Variants in FILIP1L observed in about 807,000 individuals in gnomAD.
FILIP1L encodes filamin A interacting protein 1 like.
FILIP1L carries 55 observed loss-of-function variants against 96.6 expected under a neutral mutation model. The observed-to-expected ratio is 0.57, with a 90% CI of 0.46 to 0.71. FILIP1L has a LOEUF of 0.71. FILIP1L is among the 30% of genes least tolerant of loss of function. FILIP1L has a pLI of 0.00. For synonymous variants in FILIP1L, 467 were observed against 473.9 expected, an observed-to-expected ratio of 0.99 and a Z score of 0.19; for missense variants, 1,304 against 1,321.2, an observed-to-expected ratio of 0.99 and a Z score of 0.20.
chr3:99,849,756 C>G lies in FILIP1L; in HGVS notation c.1920G>C (p.Lys640Asn), dbSNP rs1280694067. 1 of 1,613,642 alleles carries G rather than the reference C, an allele frequency of 6.2e-7. No individual in the cohort carries two copies. The highest frequency in any genetic ancestry group is 8.5e-7 in the Non-Finnish European group (1 of 1,180,002). ...GGTCATCCTCAATGGCTTTCATGTC[C>G]TTTAGCTTCAGTTTCAGTCTTTCCA... ...QEVERLKLKLKDMKAIEDDLM... is the reference protein window; with the variant it reads ...QEVERLKLKLNDMKAIEDDLM... The change falls in exon 5 of 6, where the codon AAG (lysine) becomes AAC (asparagine). Residue 640 changes from lysine (K) to asparagine (N), a missense_variant. Lys to Asn is a moderately conservative substitution (Grantham distance 94). Coordinates refer to ENST00000477258, the MANE Select transcript of FILIP1L (RefSeq NM_001387850.1).
intron 1 of FILIP1L, among the ~76,000 whole-genome samples, chr3:100,108,435 G>A (rs756480722): frequency 1.1e-4 from 17 of 152,284 alleles, no homozygotes; most frequent in Middle Eastern, 3.4e-3. Context: ...TATGGCTGAG[G>A]AAACATGAGG....
Position 99,848,373 on chromosome 3 carries a change from G to A in FILIP1L, c.3303C>T (p.Asn1101=). Residue 1101 remains asparagine (N), a synonymous_variant, in exon 5 of 6, where the codon AAC becomes AAT. Transcript: ENST00000477258. ...RTQGLINGAL[N]KTTNKVTSSI... ...TGCTGGTGACTTTATTGGTTGTTTT[G>A]TTTAGTGCCCCGTTAATTAAGCCTT... The A allele has an allele frequency of 6.2e-7, 1 of 1,614,156 alleles. No individual in the cohort carries two copies. The highest frequency in any genetic ancestry group is 8.5e-7 in the Non-Finnish European group (1 of 1,180,008).
chr3:99,858,534 A>G (rs1281536535), intron 4 of FILIP1L, among the ~76,000 whole-genome samples: 1 of 152,232 alleles, frequency 6.6e-6, no homozygotes, highest in Non-Finnish European at 1.5e-5. Flanking sequence ...TCTGCTAAAT[A>G]ACATATTTTT....
intron 1 of FILIP1L, among the ~76,000 whole-genome samples, chr3:100,074,369 G>C (rs189951): frequency 6.6e-6 from 1 of 152,132 alleles, no homozygotes; most frequent in Non-Finnish European, 1.5e-5. Context: ...TTAAAAATCA[G>C]AGGCTTTCTT....
intron 1 of FILIP1L, among the ~76,000 whole-genome samples, chr3:100,086,114 T>G (rs1442166943): frequency 6.6e-6 from 1 of 152,240 alleles, no homozygotes; most frequent in African/African-American, 2.4e-5. Flanking sequence ...GAAATAAACA[T>G]GTATCTTTCT....
intron 4 of FILIP1L, among the ~76,000 whole-genome samples, chr3:99,852,260 A>T (rs1429556889): frequency 1.3e-5 from 2 of 152,176 alleles, no homozygotes; most frequent in Non-Finnish European, 2.9e-5. Context: ...AAGGAATTGA[A>T]CCAAAGGACT....
intron 1 of FILIP1L, among the ~76,000 whole-genome samples, chr3:100,078,571 C>T (rs975721557): frequency 5.9e-5 from 9 of 151,928 alleles, no homozygotes; most frequent in Non-Finnish European, 1.0e-4. Context: ...TACACCAACA[C>T]TAGCGATAGC....
intron 1 of FILIP1L, among the ~76,000 whole-genome samples, chr3:100,047,856 T>C (rs1219130413): frequency 6.6e-6 from 1 of 152,006 alleles, no homozygotes; most frequent in African/African-American, 2.4e-5. Context: ...GCATTTTTGG[T>C]TGTCAAAATG....
intron 4 of FILIP1L, among the ~76,000 whole-genome samples, chr3:99,896,901 C>A (rs1267456640): frequency 6.6e-6 from 1 of 152,142 alleles, no homozygotes; most frequent in Non-Finnish European, 1.5e-5. Context: ...GTGCTGAAGT[C>A]CATTTCCACT....
At chr3:99,865,102 A>G (rs191824929) in intron 4 of FILIP1L, among the ~76,000 whole-genome samples, 21 of 152,362 alleles carry the variant, frequency 1.4e-4, no homozygotes, top group African/African-American at 4.8e-4. Flanking sequence ...GACATATAGT[A>G]GGCCCTCCTC....
At chr3:99,941,968 A>C (rs1042014400) in intron 1 of FILIP1L, among the ~76,000 whole-genome samples, 9 of 152,152 alleles carry the variant, frequency 5.9e-5, no homozygotes, top group Non-Finnish European at 1.3e-4. Flanking sequence ...TTGAATGTGA[A>C]CTATAAATTA....
intron 1 of FILIP1L, among the ~76,000 whole-genome samples, chr3:100,054,281 A>G (rs1298965374): frequency 6.6e-6 from 1 of 152,122 alleles, no homozygotes; most frequent in African/African-American, 2.4e-5. Context: ...GTTTTTTGAA[A>G]GAACATGAGT....
chr3:100,057,437 T>C (rs1010041863), intron 1 of FILIP1L, among the ~76,000 whole-genome samples: 2 of 152,224 alleles, frequency 1.3e-5, no homozygotes, highest in African/African-American at 4.8e-5. Context: ...AATCTGCTTA[T>C]AAATTGGAAT....
intron 1 of FILIP1L, among the ~76,000 whole-genome samples, chr3:100,070,297 A>G (rs1390627966): frequency 2.0e-5 from 3 of 152,220 alleles, no homozygotes; most frequent in South Asian, 2.1e-4. Context: ...ATTGATCACC[A>G]TAATACTTGA....
chr3:100,003,362 G>T (rs1376436008), intron 1 of FILIP1L, among the ~76,000 whole-genome samples: 1 of 152,126 alleles, frequency 6.6e-6, no homozygotes, highest in African/African-American at 2.4e-5. Flanking sequence ...CACTGTCAGG[G>T]TTTTCTTCCC....
At chr3:99,837,685 G>A (rs1942957101) in intron 5 of FILIP1L, among the ~76,000 whole-genome samples, 1 of 152,174 alleles carries the variant, frequency 6.6e-6, no homozygotes, top group African/African-American at 2.4e-5. Flanking sequence ...TTCTCCTTCT[G>A]ACCTGGGAAG....
At chr3:100,101,915 C>A (rs935507691) in intron 1 of FILIP1L, among the ~76,000 whole-genome samples, 1 of 152,094 alleles carries the variant, frequency 6.6e-6, no homozygotes, top group South Asian at 2.1e-4. Context: ...ATGATGGTTT[C>A]CAGCTTCATC....
intron 1 of FILIP1L, among the ~76,000 whole-genome samples, chr3:99,991,474 A>C (rs1284523733): frequency 6.6e-6 from 1 of 152,146 alleles, no homozygotes; most frequent in Non-Finnish European, 1.5e-5. Context: ...TTATATATTT[A>C]GGAGGTACAA....
intron 1 of FILIP1L, chr3:100,051,086 A>C (rs1252632513): frequency 6.6e-6 from 1 of 152,294 alleles, no homozygotes; most frequent in Middle Eastern, 3.4e-3. Context: ...TTATTTTTAA[A>C]CCATCATTTG....
Sources: gnomAD v4.1 joint callset for allele counts (sites outside exome capture counted in the v4.1 genomes callset) on GRCh38, gnomAD v4.1.1 for gene constraint, MANE v1.5 for transcripts, NCBI Gene and HGNC (gene_info 2026-07-23, HGNC 2026-07-21) for gene names.